RFTN1: variants seen among roughly 807,000 people sequenced by gnomAD.
The protein encoded by RFTN1 is raftlin, lipid raft linker 1, also known as raftlin.
In RFTN1, 26 loss-of-function variants were observed where a neutral mutation model predicts 46.5. That is an observed-to-expected ratio of 0.56 (90% CI 0.41 to 0.78). The LOEUF is 0.78. Among genes scored for constraint, RFTN1 ranks in the 30% least tolerant of loss-of-function variants. The pLI is 0.00. For synonymous variants in RFTN1, 261 were observed against 284.2 expected (o/e 0.92, Z 0.82); for missense variants, 693 against 718.7 (o/e 0.96, Z 0.41).
chr3:16,433,503 C>A lies in RFTN1; in HGVS notation c.332+348G>T, dbSNP rs1006932188. 1.1e-4 allele frequency among the ~76,000 whole-genome samples: 17 copies of A among 152,144 alleles called. No individual in the cohort carries two copies. The highest frequency in any genetic ancestry group is 2.0e-4 in the Admixed American group (3 of 15,282). On this transcript the variant is annotated intron_variant, in intron 3 of 9. Transcript: ENST00000334133. This position sits in a 1 kb window ranked among gnomAD's most constrained non-coding sequence, Gnocchi z 4.4. ...CAAAATTATTTGTTTTCCAGTCATG[C>A]CTTTCAGTTTAAAAGTATTGCACTT...
chr3:16,469,158 G>A (rs1032608347), intron 2 of RFTN1, among the ~76,000 whole-genome samples: 12 of 152,244 alleles, frequency 7.9e-5, no homozygotes, highest in African/African-American at 2.9e-4. Context: ...CCGGAGCTAG[G>A]CACTAAGGTT....
intron 3 of RFTN1, among the ~76,000 whole-genome samples, chr3:16,415,409 G>GTATATGTATATATATATATATA (rs2075053886): frequency 9.6e-6 from 1 of 104,536 alleles, no homozygotes; most frequent in African/African-American, 3.0e-5. Flanking sequence ...AGACAGTTGA[G>GTATATGTATATATATATATATA]TATATATATA....
At chr3:16,319,469 T>C (rs1341555875) in intron 9 of RFTN1, among the ~76,000 whole-genome samples, 1 of 152,226 alleles carries the variant, frequency 6.6e-6, no homozygotes, top group Non-Finnish European at 1.5e-5. Flanking sequence ...AGGGCTGCGG[T>C]GCACACCTCC....
intron 2 of RFTN1, among the ~76,000 whole-genome samples, chr3:16,467,998 C>T (rs1385092359): frequency 6.6e-6 from 1 of 152,170 alleles, no homozygotes; most frequent in Non-Finnish European, 1.5e-5. Flanking sequence ...CCTCAGCAAG[C>T]CTTTCCCATT....
At chr3:16,396,132 G>A (rs1238393099) in intron 4 of RFTN1, among the ~76,000 whole-genome samples, 1 of 152,040 alleles carries the variant, frequency 6.6e-6, no homozygotes, top group Non-Finnish European at 1.5e-5. Flanking sequence ...AGAGACCTCA[G>A]GGGAGAGATA....
At position 16,473,128 on chromosome 3, in the gene RFTN1, G is replaced by A. The variant is rs888323295; in HGVS notation, c.145+20597C>T. ...TTGGACAACCATGGTGTACACACACGTACACACATACACAAACAGTACTTT... is the reference window on the plus strand; with the variant it reads ...TTGGACAACCATGGTGTACACACACATACACACATACACAAACAGTACTTT... On this transcript the variant is annotated intron_variant, in intron 2 of 9. Transcript: ENST00000334133. This position sits in a 1 kb window ranked among gnomAD's most constrained non-coding sequence, Gnocchi z 5.3. 8.5e-5 allele frequency among the ~76,000 whole-genome samples: 13 copies of A among 152,174 alleles called. No individual in the cohort carries two copies. Among genetic ancestry groups the A allele is most frequent in the African/African-American group, 1.7e-4 (7 of 41,426 alleles).
rs1430734365 is a variant in RFTN1, at chr3:16,329,383, G to A, written c.1147-2507C>T. Among the ~76,000 whole-genome samples, 1 of 152,160 alleles carries A rather than the reference G, an allele frequency of 6.6e-6. No individual in the cohort carries two copies. The highest frequency in any genetic ancestry group is 1.5e-5 in the Non-Finnish European group (1 of 68,026). ...AGAGGAAACTTAATAAAGGAAGGCG[G>A]AAGGGAGGAGGGAAGGGAGGAAAGG... On this transcript the variant is annotated intron_variant, in intron 7 of 9. Coordinates refer to ENST00000334133, the MANE Select transcript of RFTN1 (RefSeq NM_015150.2). The surrounding 1 kb of genome is among the most constrained non-coding windows in gnomAD (Gnocchi z 4.5).
In RFTN1 at chr3:16,468,725, A is replaced by G. The variant is rs186456972; in HGVS notation, c.145+25000T>C. On this transcript the variant is annotated intron_variant, in intron 2 of 9. Transcript: ENST00000334133. This position sits in a 1 kb window ranked among gnomAD's most constrained non-coding sequence, Gnocchi z 4.4. ...TGGTAAGGAAATTGCAACTAGCTGTAGCCAATTCAAGCTGAGCCAATTATC... is the reference window on the plus strand; with the variant it reads ...TGGTAAGGAAATTGCAACTAGCTGTGGCCAATTCAAGCTGAGCCAATTATC... 1.3e-5 allele frequency among the ~76,000 whole-genome samples: 2 copies of G among 152,274 alleles called. No homozygotes were observed. Among genetic ancestry groups the G allele is most frequent in the East Asian group, 3.9e-4 (2 of 5,186 alleles).
intron 4 of RFTN1, among the ~76,000 whole-genome samples, chr3:16,391,700 A>G (rs2074344052): frequency 6.6e-6 from 1 of 152,132 alleles, no homozygotes; most frequent in African/African-American, 2.4e-5. Context: ...ATGAGGGTAT[A>G]TGGCACCGAA....
chr3:16,324,219 A>G (rs576210900), intron 8 of RFTN1, among the ~76,000 whole-genome samples: 27 of 152,296 alleles, frequency 1.8e-4, no homozygotes, highest in African/African-American at 6.5e-4. Context: ...TATGTTTACA[A>G]TGTGGACTGA....
rs1294406367 is a variant in RFTN1 at position 16,465,926 on chromosome 3, C to T, written c.145+27799G>A. Among the ~76,000 whole-genome samples the T allele has an allele frequency of 6.6e-6, 1 of 152,202 alleles. No homozygotes were observed. The highest frequency in any genetic ancestry group is 2.4e-5 in the African/African-American group (1 of 41,454). ...TCTAAAAGTTGAGAAACAAAAAGCT[C>T]TCGGGCCTCCCTGACAAGATTCCAT... On this transcript the variant is annotated intron_variant, in intron 2 of 9. Transcript: ENST00000334133. The surrounding 1 kb of genome is among the most constrained non-coding windows in gnomAD (Gnocchi z 5.1).
chr3:16,436,296 G>T (rs572594974), intron 2 of RFTN1, among the ~76,000 whole-genome samples: 1 of 151,186 alleles, frequency 6.6e-6, no homozygotes, highest in South Asian at 2.1e-4. Flanking sequence ...TGATGTATCT[G>T]CCCCCAATTT....
At chr3:16,477,395 C>T (rs2076299380) in intron 2 of RFTN1, among the ~76,000 whole-genome samples, 1 of 152,048 alleles carries the variant, frequency 6.6e-6, no homozygotes, top group Admixed American at 6.5e-5. Context: ...CAAGAAGACA[C>T]AAGAAACTTT....
At chr3:16,437,419 C>T (rs1244909089) in intron 2 of RFTN1, among the ~76,000 whole-genome samples, 3 of 151,990 alleles carry the variant, frequency 2.0e-5, no homozygotes, top group African/African-American at 4.8e-5. Flanking sequence ...GGCAATACCA[C>T]CCTGCCCTCA....
At chr3:16,396,765 C>T (rs1318362512) in intron 4 of RFTN1, among the ~76,000 whole-genome samples, 1 of 152,088 alleles carries the variant, frequency 6.6e-6, no homozygotes, top group Non-Finnish European at 1.5e-5. Flanking sequence ...AGGATTAGTA[C>T]TCATTTTAAA....
In RFTN1 at chr3:16,404,250, ATAAT is replaced by A. The variant is rs1425220612; in HGVS notation, c.441+5121_441+5124del. The stretch of plus-strand genomic sequence containing the variant: ...TTTATATATAATATATATTTTATAT[ATAAT>A]ATATAATATATAATATATATAATAT... On this transcript the variant is annotated intron_variant, in intron 4 of 9. Transcript: ENST00000334133. 1.4e-3 allele frequency among the ~76,000 whole-genome samples: 9 copies of A among 6,262 alleles called. 1 individual carries two copies. Among genetic ancestry groups the A allele is most frequent in the African/African-American group, 0.012 (9 of 780 alleles). 4.1% of individuals were successfully genotyped at this position (6,262 alleles called of 152,430 possible). A position where few individuals can be genotyped will look rare whatever the true frequency, so the allele number is the denominator to read the frequency against.
intron 3 of RFTN1, among the ~76,000 whole-genome samples, chr3:16,414,006 T>C (rs2075023755): frequency 6.6e-6 from 1 of 152,128 alleles, no homozygotes; most frequent in Non-Finnish European, 1.5e-5. Context: ...AGCACAGAGG[T>C]ACAACATCCA....
rs527285580 is a variant in RFTN1 at position 16,345,838 on chromosome 3, G to C, written c.1146+12094C>G. Among the ~76,000 whole-genome samples the C allele has an allele frequency of 1.5e-5, 1 of 66,584 alleles. No homozygotes were observed. Among genetic ancestry groups the C allele is most frequent in the African/African-American group, 8.6e-5 (1 of 11,680 alleles). 43.7% of individuals were successfully genotyped at this position (66,584 alleles called of 152,430 possible). ...TGTGTGCGCGCGCGCGTGCGCGCAC[G>C]CGCACATGTGCATGTGTATGTGTAT... On this transcript the variant is annotated intron_variant, in intron 7 of 9. Coordinates refer to ENST00000334133, the MANE Select transcript of RFTN1 (RefSeq NM_015150.2). The surrounding 1 kb of genome is among the most constrained non-coding windows in gnomAD (Gnocchi z 5.2).
chr3:16,456,005 C>T (rs568636380), intron 2 of RFTN1, among the ~76,000 whole-genome samples: 3 of 148,814 alleles, frequency 2.0e-5, no homozygotes, highest in East Asian at 4.0e-4. Context: ...TATCATTCCA[C>T]TTCATGAAAT....
Sources: allele counts gnomAD v4.1 joint callset (sites outside exome capture counted in the v4.1 genomes callset), GRCh38; gene constraint gnomAD v4.1.1; non-coding constraint Gnocchi (gnomAD v3.1); transcripts MANE v1.5; gene names NCBI Gene and HGNC (gene_info 2026-07-23, HGNC 2026-07-21).